The following STK4 variants were observed in gnomAD, a reference collection of about 807,000 sequenced individuals.
STK4 encodes serine/threonine kinase 4.
STK4 carries 30 observed loss-of-function variants against 64.9 expected under a neutral mutation model. That is an observed-to-expected ratio of 0.46 (90% CI 0.35 to 0.63). The LOEUF is 0.63. Ranked by LOEUF, STK4 falls within the 20% of genes least tolerant of loss-of-function variation. The pLI, the probability that STK4 is intolerant of heterozygous loss-of-function variation, is 0.01. For missense variants in STK4, 466 were observed against 598.5 expected, an observed-to-expected ratio of 0.78 and a Z score of 2.31; for synonymous variants, 177 against 199.0, an observed-to-expected ratio of 0.89 and a Z score of 0.93.
intron 10 of STK4, among the ~76,000 whole-genome samples, chr20:45,047,396 G>A (rs955537957): frequency 6.6e-6 from 1 of 152,176 alleles, no homozygotes; most frequent in Admixed American, 6.5e-5. Flanking sequence ...TGTGCCGATG[G>A]TAAACATTCA....
At chr20:45,041,779 T>G (rs2068617868) in intron 10 of STK4, among the ~76,000 whole-genome samples, 1 of 152,088 alleles carries the variant, frequency 6.6e-6, no homozygotes, top group South Asian at 2.1e-4. Flanking sequence ...CCCCTAAGAC[T>G]CTAGTCATAA....
intron 10 of STK4, among the ~76,000 whole-genome samples, chr20:45,033,344 G>A (rs1375451511): frequency 2.0e-5 from 3 of 151,968 alleles, no homozygotes; most frequent in Admixed American, 6.6e-5. Context: ...TGAAATCTTC[G>A]CCAGGTCCTA....
At chr20:44,991,537 A>G (rs2067633735) in intron 5 of STK4, among the ~76,000 whole-genome samples, 1 of 152,186 alleles carries the variant, frequency 6.6e-6, no homozygotes. Flanking sequence ...ATGGGCAGCA[A>G]CTTGTATCTT....
intron 10 of STK4, among the ~76,000 whole-genome samples, chr20:45,069,604 C>CT (rs879352179): frequency 6.6e-6 from 1 of 152,208 alleles, no homozygotes; most frequent in Non-Finnish European, 1.5e-5. Context: ...AGGGGAATTA[C>CT]TTTTAAGTTT....
intron 2 of STK4, among the ~76,000 whole-genome samples, chr20:44,976,227 A>C (rs1340584766): frequency 1.3e-5 from 2 of 152,270 alleles, no homozygotes; most frequent in Non-Finnish European, 2.9e-5. Context: ...TGAAAGATAG[A>C]AATGAGACTG....
chr20:44,995,349 T>G, intron 6 of STK4, 92 bp downstream of exon 6: 1 of 1,442,528 alleles, frequency 6.9e-7, no homozygotes, highest in Non-Finnish European at 9.3e-7. Flanking sequence ...CTCACACGTG[T>G]AATCCCAGCA....
chr20:45,043,290 C>T (rs1183395208), intron 10 of STK4, among the ~76,000 whole-genome samples: 1 of 152,142 alleles, frequency 6.6e-6, no homozygotes, highest in Non-Finnish European at 1.5e-5. Context: ...CAGCACTATT[C>T]ACAATAGCAA....
chr20:44,991,855 A>G (rs2067640523), intron 5 of STK4, among the ~76,000 whole-genome samples: 1 of 152,004 alleles, frequency 6.6e-6, no homozygotes, highest in Admixed American at 6.6e-5. Flanking sequence ...GTAGAGACAT[A>G]GTTTCACCAT....
intron 9 of STK4, among the ~76,000 whole-genome samples, chr20:45,013,737 A>G (rs1234841822): frequency 6.6e-6 from 1 of 152,144 alleles, no homozygotes; most frequent in East Asian, 1.9e-4. Context: ...GGAATCTGTA[A>G]TTAGCAATCA....
intron 10 of STK4, among the ~76,000 whole-genome samples, chr20:45,072,479 T>A (rs1321085566): frequency 2.0e-5 from 3 of 152,238 alleles, no homozygotes; most frequent in Non-Finnish European, 4.4e-5. Context: ...ATAAAAATAA[T>A]TTACTAATTT....
chr20:44,984,598 G>T (rs1471044250), intron 4 of STK4, among the ~76,000 whole-genome samples: 3 of 152,036 alleles, frequency 2.0e-5, no homozygotes, highest in African/African-American at 7.2e-5. Context: ...GGTTATTAAG[G>T]ACTTAAAATG....
chr20:45,050,461 A>G (rs867826796), intron 10 of STK4, among the ~76,000 whole-genome samples: 1 of 152,308 alleles, frequency 6.6e-6, no homozygotes. Context: ...ACATCTTTGC[A>G]TGGTACGCCC....
intron 10 of STK4, among the ~76,000 whole-genome samples, chr20:45,047,103 C>T (rs981635285): frequency 1.3e-5 from 2 of 152,156 alleles, no homozygotes; most frequent in Admixed American, 6.5e-5. Context: ...TTAAGACTAA[C>T]TACATTTTGG....
intron 6 of STK4, among the ~76,000 whole-genome samples, chr20:44,996,692 T>C (rs2067737232): frequency 6.6e-6 from 1 of 152,122 alleles, no homozygotes; most frequent in African/African-American, 2.4e-5. Context: ...CATGCGTTGA[T>C]TTAGCTTACT....
chr20:45,036,270 A>C (rs2068525560), intron 10 of STK4, among the ~76,000 whole-genome samples: 1 of 152,188 alleles, frequency 6.6e-6, no homozygotes, highest in Non-Finnish European at 1.5e-5. Flanking sequence ...AAACTTGTAG[A>C]AATAAACAGT....
At chr20:44,973,932 T>C (rs2067294754) in intron 2 of STK4, among the ~76,000 whole-genome samples, 1 of 152,192 alleles carries the variant, frequency 6.6e-6, no homozygotes, top group Non-Finnish European at 1.5e-5. Context: ...AGTCTTAAAG[T>C]ATTTTTAGGT....
chr20:44,977,207 A>C (rs2067354539), intron 2 of STK4, among the ~76,000 whole-genome samples: 1 of 152,250 alleles, frequency 6.6e-6, no homozygotes, highest in Non-Finnish European at 1.5e-5. Context: ...GTAATATTTA[A>C]GGATGATTAT....
chr20:45,007,107 G>T (rs981743857), intron 9 of STK4, among the ~76,000 whole-genome samples: 1 of 152,074 alleles, frequency 6.6e-6, no homozygotes, highest in African/African-American at 2.4e-5. Context: ...CAGGAGGGGA[G>T]GCCTTAGCAC....
chr20:44,967,991 A>G (rs1436622670), intron 1 of STK4, among the ~76,000 whole-genome samples: 1 of 152,202 alleles, frequency 6.6e-6, no homozygotes, highest in Non-Finnish European at 1.5e-5. Flanking sequence ...GAACCTCACA[A>G]CAATCCTGTG....
Sources: allele counts gnomAD v4.1 joint callset (sites outside exome capture counted in the v4.1 genomes callset), GRCh38; gene constraint gnomAD v4.1.1; transcripts MANE v1.5; gene names NCBI Gene and HGNC (gene_info 2026-07-23, HGNC 2026-07-21).